ITSN2: variants seen among roughly 807,000 people sequenced by gnomAD.
ITSN2 encodes intersectin 2.
Under a neutral mutation model 243.7 loss-of-function variants are expected in ITSN2, and 156 were observed. The observed-to-expected ratio is 0.64, with a 90% CI of 0.56 to 0.73. The LOEUF is 0.73. Ranked by LOEUF, ITSN2 falls within the 30% of genes least tolerant of loss-of-function variation. The pLI is 0.00. For missense variants in ITSN2, 1,801 were observed against 1,996.1 expected (o/e 0.90, Z 1.86); for synonymous variants, 703 against 699.9 (o/e 1.00, Z -0.07).
intron 1 of ITSN2, among the ~76,000 whole-genome samples, chr2:24,346,107 C>T (rs1342373300): frequency 6.6e-6 from 1 of 152,086 alleles, no homozygotes; most frequent in East Asian, 1.9e-4. Flanking sequence ...AAGACTGTAT[C>T]CCAGCCCACA....
chr2:24,324,230 T>A (rs1474635994), intron 2 of ITSN2, among the ~76,000 whole-genome samples: 1 of 152,022 alleles, frequency 6.6e-6, no homozygotes, highest in East Asian at 1.9e-4. Flanking sequence ...AGACTCCGTC[T>A]CAAAAAAATT....
At position 24,211,916 on chromosome 2, in the gene ITSN2, G is replaced by T. The variant is rs962638585; in HGVS notation, c.4089+734C>A. Among the ~76,000 whole-genome samples the T allele has an allele frequency of 5.9e-5, 9 of 152,168 alleles. No homozygotes were observed. The highest frequency in any genetic ancestry group is 5.9e-4 in the Admixed American group (9 of 15,280). On this transcript the variant is annotated intron_variant, in intron 33 of 39. Transcript: ENST00000355123. This position sits in a 1 kb window ranked among gnomAD's most constrained non-coding sequence, Gnocchi z 4.1. ...CATTATGGTTCAGTTTAGTGCAGGC[G>T]TCTATCACATGAGGTCTATGTTGAG... is the stretch of plus-strand genomic sequence containing the variant.
intron 19 of ITSN2, 146 bp from the exon 20 acceptor site, chr2:24,270,914 C>T: frequency 1.8e-6 from 1 of 555,608 alleles, no homozygotes; most frequent in South Asian, 2.5e-5. Context: ...GCTAGGATTT[C>T]AGTATCTTGA....
intron 1 of ITSN2, among the ~76,000 whole-genome samples, chr2:24,344,823 G>C (rs1687369254): frequency 6.6e-6 from 1 of 152,094 alleles, no homozygotes; most frequent in African/African-American, 2.4e-5. Flanking sequence ...GTGGTGGCGG[G>C]CACCTGTAAT....
intron 20 of ITSN2, among the ~76,000 whole-genome samples, chr2:24,267,721 A>T (rs1048891076): frequency 1.4e-4 from 21 of 151,338 alleles, no homozygotes; most frequent in South Asian, 6.3e-4. Flanking sequence ...AGCCCCGCTA[A>T]TTTTTTTTTA....
intron 17 of ITSN2, among the ~76,000 whole-genome samples, chr2:24,282,859 C>G (rs1678969685): frequency 6.6e-6 from 1 of 152,152 alleles, no homozygotes; most frequent in Non-Finnish European, 1.5e-5. Flanking sequence ...TGAAAGTATT[C>G]TTTTTATCTA....
At chr2:24,289,894 C>G (rs1434204997) in intron 15 of ITSN2, among the ~76,000 whole-genome samples, 2 of 152,112 alleles carry the variant, frequency 1.3e-5, no homozygotes, top group Non-Finnish European at 2.9e-5. Flanking sequence ...GATTAGACAC[C>G]CCGATCTTAG....
intron 18 of ITSN2, among the ~76,000 whole-genome samples, chr2:24,275,160 T>C (rs187600986): frequency 9.6e-4 from 146 of 152,358 alleles, no homozygotes; most frequent in Non-Finnish European, 1.7e-3. Flanking sequence ...CAAGGAAAGA[T>C]GGAATGAATG....
At chr2:24,331,256 A>AGAAAT (rs1685750473) in intron 1 of ITSN2, among the ~76,000 whole-genome samples, 1 of 150,948 alleles carries the variant, frequency 6.6e-6, no homozygotes, top group African/African-American at 2.4e-5. Context: ...TATTTTTAGT[A>AGAAAT]GAAATGGGGT....
Position 24,310,520 on chromosome 2 carries a change from A to C in ITSN2, c.525T>G (p.Ile175Met). ...SSLPNGTASL[I>M]QPLPIPYSSS... The stretch of plus-strand genomic sequence containing the variant: ...AAGAATAAGGAATGGGTAAAGGCTG[A>C]ATGAGACTGGCGGTTCCATTTGGTA... The change falls in exon 6 of 40, where the codon ATT (isoleucine) becomes ATG (methionine). Residue 175 changes from isoleucine to methionine, a missense_variant. Around this residue, in one of 5 missense-constraint regions of ITSN2, gnomAD observed 787 missense variants for 803.9 expected, o/e 0.98. Coordinates refer to ENST00000355123, the MANE Select transcript of ITSN2 (RefSeq NM_006277.3). 1 of 1,614,218 alleles carries C rather than the reference A, an allele frequency of 6.2e-7. No homozygotes were observed. Among genetic ancestry groups the C allele is most frequent in the South Asian group, 1.1e-5 (1 of 91,086 alleles).
chr2:24,309,660 A>G (rs554090138), intron 7 of ITSN2, among the ~76,000 whole-genome samples: 136 of 152,324 alleles, frequency 8.9e-4, no homozygotes, highest in African/African-American at 3.2e-3. Context: ...GCCTTTACAA[A>G]TATTTCTAAT....
chr2:24,221,211 G>A, intron 29 of ITSN2, 145 bp from the exon 30 acceptor site: 1 of 816,058 alleles, frequency 1.2e-6, no homozygotes, highest in South Asian at 1.8e-5. Flanking sequence ...CTTCTGCAGA[G>A]CAGCATGCGT....
chr2:24,269,921 G>A (rs570691013), intron 20 of ITSN2, among the ~76,000 whole-genome samples: 34 of 152,248 alleles, frequency 2.2e-4, no homozygotes, highest in Admixed American at 5.2e-4. Context: ...GCACAGCTCC[G>A]GTACTACTAA....
intron 20 of ITSN2, among the ~76,000 whole-genome samples, chr2:24,262,666 T>A (rs1574063095): frequency 6.6e-6 from 1 of 152,192 alleles, no homozygotes; most frequent in South Asian, 2.1e-4. Flanking sequence ...TATAGTTTGA[T>A]CAGTCCTCTG....
intron 18 of ITSN2, among the ~76,000 whole-genome samples, 185 bp from the exon 19 acceptor site, chr2:24,272,126 C>T (rs961021870): frequency 1.3e-5 from 2 of 152,116 alleles, no homozygotes; most frequent in Admixed American, 1.3e-4. Context: ...TCAAGAAAAG[C>T]TTTGGAAGCT....
chr2:24,310,802 C>T, intron 5 of ITSN2, 110 bp from the exon 6 acceptor site: 1 of 830,200 alleles, frequency 1.2e-6, no homozygotes, highest in Non-Finnish European at 1.9e-6. Context: ...CCAAAACACA[C>T]AGATGAATTA....
At chr2:24,270,949 C>T (rs1035588898) in intron 19 of ITSN2, among the ~76,000 whole-genome samples, 181 bp from the exon 20 acceptor site, 14 of 152,106 alleles carry the variant, frequency 9.2e-5, no homozygotes, top group Admixed American at 7.9e-4. Flanking sequence ...AAAAAGCAAA[C>T]AAGGATGCTC....
intron 30 of ITSN2, among the ~76,000 whole-genome samples, chr2:24,219,903 C>G (rs1670287547): frequency 6.6e-6 from 1 of 152,222 alleles, no homozygotes. Flanking sequence ...TCACTGACTA[C>G]TTATGGAAAG....
intron 1 of ITSN2, among the ~76,000 whole-genome samples, chr2:24,353,293 C>G (rs968588044): frequency 6.6e-6 from 1 of 152,012 alleles, no homozygotes; most frequent in Non-Finnish European, 1.5e-5. Context: ...ATGTTAACAT[C>G]ACTAATAATT....
Sources: allele counts gnomAD v4.1 joint callset (sites outside exome capture counted in the v4.1 genomes callset), GRCh38; gene constraint gnomAD v4.1.1; regional missense constraint gnomAD v4.1.1; non-coding constraint Gnocchi (gnomAD v3.1); transcripts MANE v1.5; gene names NCBI Gene and HGNC (gene_info 2026-07-23, HGNC 2026-07-21).